Variants in STEAP4 observed in about 807,000 individuals in gnomAD.
STEAP4 encodes metalloreductase STEAP4.
A neutral mutation model predicts 43.6 loss-of-function variants in STEAP4; 36 were observed. The ratio of observed to expected loss-of-function variants is 0.83; its 90% CI spans 0.63 to 1.09. The LOEUF (loss-of-function observed/expected upper bound fraction) is 1.09. Among genes scored for constraint, STEAP4 ranks in the 50% least tolerant of loss-of-function variants. The pLI, the probability that STEAP4 is intolerant of heterozygous loss-of-function variation, is 0.00. For synonymous variants in STEAP4, 191 were observed against 196.7 expected, an observed-to-expected ratio of 0.97 and a Z score of 0.24; for missense variants, 495 against 546.5, an observed-to-expected ratio of 0.91 and a Z score of 0.94.
intron 1 of STEAP4, among the ~76,000 whole-genome samples, chr7:88,306,582 T>G (rs1426579882): frequency 1.3e-5 from 2 of 152,252 alleles, no homozygotes; most frequent in Non-Finnish European, 2.9e-5. Flanking sequence ...GGGGTAGGGA[T>G]GAGCCTTAAA....
In STEAP4 at chr7:88,273,286, T is replaced by G. The variant is rs1852464266; in HGVS notation, c.*6112A>C. ...TCTATCTTAGCATGAAAGAAAGGAT[T>G]AGTAAAAATGAAATGAATACACTGG... On this transcript the variant is annotated 3_prime_UTR_variant, in exon 5 of 5. Transcript: ENST00000380079. 1 of 152,180 alleles carries G rather than the reference T, an allele frequency of 6.6e-6. No homozygotes were observed. Among genetic ancestry groups the G allele is most frequent in the South Asian group, 2.1e-4 (1 of 4,830 alleles). The allele number at this position is 152,180 out of a possible 1,614,324, so 9.4% of individuals were successfully genotyped here. A position where few individuals can be genotyped will look rare whatever the true frequency, so the allele number is the denominator to read the frequency against.
At chr7:88,283,361 C>T (rs1852663884) in intron 2 of STEAP4, 193 bp from the exon 3 acceptor site, 1 of 594,288 alleles carries the variant, frequency 1.7e-6, no homozygotes, top group South Asian at 3.2e-5. Flanking sequence ...AGGTAAGTAC[C>T]AGGGTTTTTA....
intron 1 of STEAP4, among the ~76,000 whole-genome samples, chr7:88,284,671 C>A (rs562109480): frequency 8.6e-5 from 13 of 152,014 alleles, no homozygotes. Context: ...TTATGTTGAT[C>A]AAATGGGGAT....
chr7:88,289,820 C>G (rs1003448721), intron 1 of STEAP4, among the ~76,000 whole-genome samples: 1 of 152,186 alleles, frequency 6.6e-6, no homozygotes, highest in Non-Finnish European at 1.5e-5. Context: ...GCAGCTGTGC[C>G]TTTGAAAATT....
At chr7:88,283,322 G>A (rs1852663054) in intron 2 of STEAP4, 154 bp from the exon 3 acceptor site, 1 of 848,480 alleles carries the variant, frequency 1.2e-6, no homozygotes, top group Non-Finnish European at 1.7e-6. Context: ...GTAACAAGAT[G>A]TTTTAAACTT....
At chr7:88,288,787 T>G (rs1031076516) in intron 1 of STEAP4, among the ~76,000 whole-genome samples, 3 of 152,054 alleles carry the variant, frequency 2.0e-5, no homozygotes, top group Non-Finnish European at 2.9e-5. Context: ...TATAAAAGAC[T>G]TCTAAACACA....
intron 1 of STEAP4, among the ~76,000 whole-genome samples, chr7:88,302,565 C>A (rs1277232661): frequency 6.6e-6 from 1 of 152,118 alleles, no homozygotes; most frequent in Non-Finnish European, 1.5e-5. Context: ...CAGCGATGAC[C>A]ATTAATTATC....
intron 1 of STEAP4, among the ~76,000 whole-genome samples, chr7:88,289,235 T>C (rs1271287176): frequency 6.6e-6 from 1 of 152,096 alleles, no homozygotes; most frequent in African/African-American, 2.4e-5. Flanking sequence ...GTTTACTCTG[T>C]GTCCCAGGCA....
rs544534335 is a variant in STEAP4, at chr7:88,280,974, T to C, written c.1090A>G (p.Ile364Val). Residue 364 changes from isoleucine (I) to valine (V), a missense_variant, in exon 4 of 5, where the codon ATC becomes GTC. Coordinates refer to ENST00000380079, the MANE Select transcript of STEAP4 (RefSeq NM_024636.4). Reference sequence around the variant, plus strand: ...TTGCTAACAGATGGCAAAGAAGTGATTCCCAAGAGTACAAACAGAAAAAAC... The same window carrying C: ...TTGCTAACAGATGGCAAAGAAGTGACTCCCAAGAGTACAAACAGAAAAAAC... ...LGFFLFVLLG[I>V]TSLPSVSNAV... The C allele has an allele frequency of 6.2e-7, 1 of 1,613,046 alleles. No individual in the cohort carries two copies. Among genetic ancestry groups the C allele is most frequent in the African/African-American group, 1.3e-5 (1 of 74,982 alleles).
Position 88,280,897 on chromosome 7 carries a change from T to G in STEAP4, c.1149+18A>C. The G allele has an allele frequency of 1.3e-6, 2 of 1,541,824 alleles. No homozygotes were observed. Among genetic ancestry groups the G allele is most frequent in the Non-Finnish European group, 1.7e-6 (2 of 1,147,660 alleles). ...ATGGAGCAAAATGAAAAGTTAGGAA[T>G]GAACTTGAAGTTCTTACCTGGACAA... On this transcript the variant is annotated intron_variant, in intron 4 of 4. Coordinates refer to ENST00000380079, the MANE Select transcript of STEAP4 (RefSeq NM_024636.4).
intron 1 of STEAP4, among the ~76,000 whole-genome samples, chr7:88,301,178 C>T (rs1460536498): frequency 1.3e-5 from 2 of 152,254 alleles, no homozygotes; most frequent in African/African-American, 4.8e-5. Flanking sequence ...TACCAACCAG[C>T]TAATTGCTTT....
At chr7:88,279,735 C>A in intron 4 of STEAP4, 107 bp from the exon 5 acceptor site, 1 of 937,144 alleles carries the variant, frequency 1.1e-6, no homozygotes. Context: ...CATTTGAGAC[C>A]TATAATGTTT....
In STEAP4 at chr7:88,282,962, T is replaced by C. The variant is rs764372913; in HGVS notation, c.663A>G (p.Arg221=). The C allele has an allele frequency of 1.5e-5, 25 of 1,613,610 alleles. No homozygotes were observed. The highest frequency in any genetic ancestry group is 2.0e-5 in the Non-Finnish European group (24 of 1,179,822). Residue 221 remains arginine (R), a synonymous_variant, in exon 3 of 5, where the codon AGA becomes AGG. Coordinates refer to ENST00000380079, the MANE Select transcript of STEAP4 (RefSeq NM_024636.4). ...CVFLFFYCVI[R]DVIYPYVYEK... is the part of the protein sequence containing the mutation. Reference sequence around the variant, plus strand: ...CATAAACATAAGGGTAGATTACGTCTCTTATAACACAATAGAAAAACAAGA... The same window carrying C: ...CATAAACATAAGGGTAGATTACGTCCCTTATAACACAATAGAAAAACAAGA...
rs1396438080 is a variant in STEAP4, at chr7:88,303,146, C to A, written c.-3+3646G>T. Among the ~76,000 whole-genome samples, 9 of 133,604 alleles carry A rather than the reference C, an allele frequency of 6.7e-5. No homozygotes were observed. The Admixed American group carries it at 7.1e-4, about 11-fold the overall frequency. 87.6% of individuals were successfully genotyped at this position (133,604 alleles called of 152,430 possible). A position where few individuals can be genotyped will look rare whatever the true frequency, so the allele number is the denominator to read the frequency against. Reference sequence around the variant, plus strand: ...CCTTCCTTTTAAGATGAAAAGGGAACTTTATCCTGATGTTAGGATTGATCA... The same window carrying A: ...CCTTCCTTTTAAGATGAAAAGGGAAATTTATCCTGATGTTAGGATTGATCA... On this transcript the variant is annotated intron_variant, in intron 1 of 4. Transcript: ENST00000380079.
At chr7:88,300,337 T>C (rs537899803) in intron 1 of STEAP4, among the ~76,000 whole-genome samples, 2 of 152,252 alleles carry the variant, frequency 1.3e-5, no homozygotes, top group East Asian at 3.9e-4. Context: ...GCTTCCTGAG[T>C]AGCTGGGATC....
intron 1 of STEAP4, among the ~76,000 whole-genome samples, chr7:88,303,208 A>AAAAAT (rs1554544064): frequency 3.5e-5 from 5 of 144,772 alleles, no homozygotes; most frequent in Admixed American, 7.1e-5. Flanking sequence ...AAAAAAAAAA[A>AAAAAT]ACTCCAACCG....
intron 1 of STEAP4, among the ~76,000 whole-genome samples, chr7:88,299,930 A>G (rs999663761): frequency 1.3e-5 from 2 of 152,134 alleles, no homozygotes; most frequent in Admixed American, 1.3e-4. Context: ...TTATGAATAT[A>G]GCCTACTTCA....
intron 1 of STEAP4, among the ~76,000 whole-genome samples, chr7:88,305,597 T>C (rs554946741): frequency 8.5e-5 from 13 of 152,308 alleles, no homozygotes; most frequent in African/African-American, 2.6e-4. Flanking sequence ...GAATGATAAA[T>C]GTGGCAGAAC....
intron 1 of STEAP4, among the ~76,000 whole-genome samples, chr7:88,303,654 T>C (rs1586756400): frequency 6.6e-6 from 1 of 152,212 alleles, no homozygotes; most frequent in African/African-American, 2.4e-5. Context: ...CCTAGTTAAT[T>C]AGAGTGTATA....
Sources: gnomAD v4.1 joint callset for allele counts (sites outside exome capture counted in the v4.1 genomes callset) on GRCh38, gnomAD v4.1.1 for gene constraint, MANE v1.5 for transcripts, NCBI Gene and HGNC (gene_info 2026-07-23, HGNC 2026-07-21) for gene names.